FBXO5: variants seen among roughly 807,000 people sequenced by gnomAD.
FBXO5 encodes the protein F-box protein 5.
In FBXO5, 8 loss-of-function variants were observed where a neutral mutation model predicts 43.3. The ratio of observed to expected loss-of-function variants is 0.18; its 90% CI spans 0.11 to 0.33. The LOEUF is 0.33. Among genes scored for constraint, FBXO5 ranks in the 10% least tolerant of loss-of-function variants. The pLI is 1.00. For missense variants in FBXO5, 491 were observed against 535.7 expected, an observed-to-expected ratio of 0.92 and a Z score of 0.82; for synonymous variants, 204 against 193.7, an observed-to-expected ratio of 1.05 and a Z score of -0.44.
intron 1 of FBXO5, among the ~76,000 whole-genome samples, chr6:152,976,655 C>T (rs1170992458): frequency 6.6e-6 from 1 of 152,104 alleles, no homozygotes; most frequent in Non-Finnish European, 1.5e-5. Context: ...TGTTCAATTG[C>T]TTTAAATAAC....
Position 152,975,216 on chromosome 6 carries a change from C to G in FBXO5, c.509G>C (p.Gly170Ala), listed in dbSNP as rs1778148407. 1 of 1,614,114 alleles carries G rather than the reference C, an allele frequency of 6.2e-7. No homozygotes were observed. Among genetic ancestry groups the G allele is most frequent in the Admixed American group, 1.7e-5 (1 of 60,016 alleles). Reference protein sequence around the residue: ...EEGSLLEENFGDSLQSCLLQI... With the variant: ...EEGSLLEENFADSLQSCLLQI... ...TAGCAGGCAGGATTGTAGACTGTCACCGAAATTCTCCTCCAGGAGGCTACC... is the reference window on the plus strand; with the variant it reads ...TAGCAGGCAGGATTGTAGACTGTCAGCGAAATTCTCCTCCAGGAGGCTACC... The change falls in exon 2 of 5, where the codon GGT becomes GCT. Residue 170 changes from glycine to alanine, a missense_variant. Gly to Ala is a moderately conservative substitution (Grantham distance 60). Transcript: ENST00000229758.
chr6:152,975,670 ATCCCTACT>A (rs1477802759), intron 1 of FBXO5, 49 bp from the exon 2 acceptor site: 14 of 1,197,116 alleles, frequency 1.2e-5, no homozygotes, highest in Non-Finnish European at 1.6e-5. Flanking sequence ...ATTTCCACAC[ATCCCTACT>A]TCTTAAATTG....
At position 152,971,309 on chromosome 6, in the gene FBXO5, C is replaced by T; in HGVS notation, c.1198G>A (p.Gly400Ser). The change falls in exon 5 of 5, where the codon GGC (glycine) becomes AGC (serine). Residue 400 changes from glycine (G) to serine (S), a missense_variant. Coordinates refer to ENST00000229758, the MANE Select transcript of FBXO5 (RefSeq NM_012177.5). ...TTCGTACAATAATCAAATCCACAGC[C>T]TTCTCGTTTGCAGGTTGCCCGTTGT... The part of the protein sequence containing the change: ...YLQRATCKRE[G>S]CGFDYCTKCL... 1 of 1,614,008 alleles carries T rather than the reference C, an allele frequency of 6.2e-7. No individual in the cohort carries two copies. Among genetic ancestry groups the T allele is most frequent in the Non-Finnish European group, 8.5e-7 (1 of 1,179,958 alleles).
At chr6:152,977,876 A>G (rs770468653) in intron 1 of FBXO5, among the ~76,000 whole-genome samples, 2 of 152,214 alleles carry the variant, frequency 1.3e-5, no homozygotes, top group South Asian at 4.1e-4. Flanking sequence ...AACCTCTTTC[A>G]TTCAACACTG....
Position 152,973,068 on chromosome 6 carries a change from C to T in FBXO5, c.887G>A (p.Ser296Asn), listed in dbSNP as rs776478627. Residue 296 changes from serine to asparagine, a missense_variant, in exon 3 of 5, where the codon AGT becomes AAT. Physicochemically the swap from Ser to Asn is conservative, Grantham distance 46 (BLOSUM62 1). Transcript: ENST00000229758. ...EDDKGAFQLY[S>N]KAIQRVTENN... ...TACGGTAACTCTTTGTATTGCTTTA[C>T]TGTACAACTGGAATGCCCCCTTATC... is the stretch of plus-strand genomic sequence containing the variant. 1 of 1,613,856 alleles carries T rather than the reference C, an allele frequency of 6.2e-7. No individual in the cohort carries two copies. The highest frequency in any genetic ancestry group is 8.5e-7 in the Non-Finnish European group (1 of 1,179,834).
rs1778232786 is a variant in FBXO5 at position 152,979,708 on chromosome 6, T to G, written c.103+3149A>C. Among the ~76,000 whole-genome samples, 3 of 152,252 alleles carry G rather than the reference T, an allele frequency of 2.0e-5. No homozygotes were observed. The South Asian group carries it at 6.2e-4, about 31-fold the overall frequency. ...TAGACTTTGGGTTATAATCCAATAC[T>G]ATTTACTGTATTGCTCAAATTGTTC... is the stretch of plus-strand genomic sequence containing the variant. On this transcript the variant is annotated intron_variant, in intron 1 of 4. Transcript: ENST00000229758.
intron 1 of FBXO5, among the ~76,000 whole-genome samples, chr6:152,979,978 G>A (rs752803824): frequency 6.6e-5 from 10 of 152,100 alleles, no homozygotes; most frequent in African/African-American, 1.2e-4. Flanking sequence ...TTTAAAATAT[G>A]AAATTAATGT....
In FBXO5 at chr6:152,976,019, C is replaced by T. The variant is rs139400592; in HGVS notation, c.104-398G>A. On this transcript the variant is annotated intron_variant, in intron 1 of 4. Transcript: ENST00000229758. ...GTATCAAAAGAGTAGGCGCTATGGT[C>T]AAAGTTATCCTTAAAGTAACCACAA... Among the ~76,000 whole-genome samples, 18 of 152,210 alleles carry T rather than the reference C, an allele frequency of 1.2e-4. No homozygotes were observed. In the East Asian group the frequency reaches 3.5e-3, roughly 29 times the overall value.
chr6:152,971,395 T>C lies in FBXO5; in HGVS notation c.1112A>G (p.Lys371Arg). The change falls in exon 5 of 5, where the codon AAG becomes AGG. Residue 371 changes from lysine to arginine, a missense_variant. By Grantham distance (26) the Lys-to-Arg change is conservative (BLOSUM62 2). Coordinates refer to ENST00000229758, the MANE Select transcript of FBXO5 (RefSeq NM_012177.5). ...AATACAGGCTTTGAGGCTTTCGTTC[T>C]TTTTCAATGTCTTGGCAACCTAAAA... ...EFSEVAKTLK[K>R]NESLKACIRC... 1.9e-6 allele frequency: 3 copies of C among 1,601,346 alleles called. No homozygotes were observed. Among genetic ancestry groups the C allele is most frequent in the Non-Finnish European group, 2.6e-6 (3 of 1,176,292 alleles).
chr6:152,973,358 A>T (rs1476051534), intron 2 of FBXO5: 1 of 500,068 alleles, frequency 2.0e-6, no homozygotes, highest in Non-Finnish European at 3.6e-6. Flanking sequence ...TTCTGAGTGC[A>T]TTGAGGCTTA....
At chr6:152,974,691 C>T (rs1355299506) in intron 2 of FBXO5, among the ~76,000 whole-genome samples, 2 of 152,090 alleles carry the variant, frequency 1.3e-5, no homozygotes, top group South Asian at 2.1e-4. Context: ...GGAGCACTTG[C>T]GGATTTTGGA....
chr6:152,983,098 G>C (rs914424439), upstream of FBXO5: 203 of 486,880 alleles, frequency 4.2e-4, no homozygotes, highest in Non-Finnish European at 5.8e-4. Context: ...GCCTAAATCC[G>C]CGCGGTCCAA....
At chr6:152,980,384 G>A (rs1187983951) in intron 1 of FBXO5, among the ~76,000 whole-genome samples, 1 of 152,220 alleles carries the variant, frequency 6.6e-6, no homozygotes, top group Non-Finnish European at 1.5e-5. Flanking sequence ...CAGATGGTGG[G>A]AAACACAGGA....
At chr6:152,982,528 G>C (rs933591924) in intron 1 of FBXO5, among the ~76,000 whole-genome samples, 9 of 152,134 alleles carry the variant, frequency 5.9e-5, no homozygotes, top group African/African-American at 2.2e-4. Context: ...CAAGCAGGGT[G>C]GGGTAGGTGG....
rs766101377 is a variant in FBXO5 at position 152,982,978 on chromosome 6, T to C, written c.-19A>G. ...GGCTCATGCCAGCCGACGTGGAGTC[T>C]GCCTCAGGTGGAGGAACCGCTCCGG... On this transcript the variant is annotated 5_prime_UTR_variant, in exon 1 of 5. Transcript: ENST00000229758. The C allele has an allele frequency of 2.0e-5, 28 of 1,377,884 alleles. No homozygotes were observed. The highest frequency in any genetic ancestry group is 2.4e-5 in the Non-Finnish European group (26 of 1,070,060). 85.4% of individuals were successfully genotyped at this position (1,377,884 alleles called of 1,614,324 possible). A position where few individuals can be genotyped will look rare whatever the true frequency, so the allele number is the denominator to read the frequency against.
chr6:152,977,672 C>T (rs537284610), intron 1 of FBXO5, among the ~76,000 whole-genome samples: 1 of 152,244 alleles, frequency 6.6e-6, no homozygotes, highest in African/African-American at 2.4e-5. Flanking sequence ...TGCCTCAAAT[C>T]AACTAAAGAA....
intron 2 of FBXO5, among the ~76,000 whole-genome samples, chr6:152,974,576 C>T (rs1778134952): frequency 6.6e-6 from 1 of 152,140 alleles, no homozygotes; most frequent in Admixed American, 6.5e-5. Flanking sequence ...GTCATTACCG[C>T]AATTAAACAA....
chr6:152,983,073 A>C (rs1778291831), upstream of FBXO5: 4 of 581,300 alleles, frequency 6.9e-6, no homozygotes, highest in South Asian at 1.0e-4. Context: ...TACTTTTAAA[A>C]TCTTTGAATT....
rs760535853 is a variant in FBXO5 at position 152,972,342 on chromosome 6, G to A, written c.1022C>T (p.Ala341Val). 6.2e-7 allele frequency: 1 copy of A among 1,613,060 alleles called. No homozygotes were observed. Among genetic ancestry groups the A allele is most frequent in the South Asian group, 1.1e-5 (1 of 91,010 alleles). ...ACCTTGATTGGATAACTTGGTTTGA[G>A]CATCTTTTTTGAGAGAAGTCTGGGC... is the stretch of plus-strand genomic sequence containing the variant. ...SAAQTSLKKD[A>V]QTKLSNQGDQ... is the part of the protein sequence containing the mutation. The change falls in exon 4 of 5, where the codon GCT becomes GTT. Residue 341 changes from alanine to valine, a missense_variant. By Grantham distance (64) the Ala-to-Val change is moderately conservative (BLOSUM62 0). Coordinates refer to ENST00000229758, the MANE Select transcript of FBXO5 (RefSeq NM_012177.5).
Sources: allele counts gnomAD v4.1 joint callset (sites outside exome capture counted in the v4.1 genomes callset), GRCh38; gene constraint gnomAD v4.1.1; transcripts MANE v1.5; gene names NCBI Gene and HGNC (gene_info 2026-07-23, HGNC 2026-07-21).